Variants in MYBPC1 observed in about 807,000 individuals in gnomAD.
MYBPC1 encodes myosin binding protein C1.
A neutral mutation model predicts 147.1 loss-of-function variants in MYBPC1; 52 were observed. The ratio of observed to expected loss-of-function variants is 0.35; its 90% CI spans 0.28 to 0.45. The LOEUF is 0.45. Among genes scored for constraint, MYBPC1 ranks in the 20% least tolerant of loss-of-function variants. The pLI is 1.00. For synonymous variants in MYBPC1, 477 were observed against 475.9 expected, an observed-to-expected ratio of 1.00 and a Z score of -0.03; for missense variants, 1,228 against 1,440.3, an observed-to-expected ratio of 0.85 and a Z score of 2.39.
In MYBPC1 at chr12:101,666,611, G is replaced by A. The variant is rs964721465; in HGVS notation, c.2357-1121G>A. On this transcript the variant is annotated intron_variant, in intron 22 of 31. Coordinates refer to ENST00000361466, the MANE Select transcript of MYBPC1 (RefSeq NM_002465.4). Reference sequence around the variant, plus strand: ...CCCCTAACACCGTTTGGTCTCTTCCGTCACTGCTCTGAGGACAAATCTCTT... The same window carrying A: ...CCCCTAACACCGTTTGGTCTCTTCCATCACTGCTCTGAGGACAAATCTCTT... The A allele has an allele frequency of 7.6e-5, 69 of 907,372 alleles. 1 individual carries two copies. Among genetic ancestry groups the A allele is most frequent in the South Asian group, 3.6e-4 (27 of 75,800 alleles). 56.2% of individuals were successfully genotyped at this position (907,372 alleles called of 1,614,324 possible).
chr12:101,649,085 A>C (rs1433799101), intron 14 of MYBPC1, among the ~76,000 whole-genome samples, 175 bp from the exon 15 acceptor site: 1 of 152,236 alleles, frequency 6.6e-6, no homozygotes. Context: ...TTGTTACATT[A>C]TGAATCTACT....
chr12:101,681,808 C>T (rs1410340341), intron 29 of MYBPC1, among the ~76,000 whole-genome samples: 5 of 150,646 alleles, frequency 3.3e-5, no homozygotes, highest in African/African-American at 9.7e-5. Context: ...GGGTTTTTGC[C>T]GTGTTGGCCA....
chr12:101,662,206 G>T, intron 20 of MYBPC1, 152 bp from the exon 21 acceptor site: 2 of 646,498 alleles, frequency 3.1e-6, no homozygotes. Context: ...TATTCTCTTG[G>T]AATAAGATAG....
intron 2 of MYBPC1, 96 bp downstream of exon 2, chr12:101,614,627 C>A: frequency 7.9e-7 from 1 of 1,270,964 alleles, no homozygotes. Flanking sequence ...GAGCTGTGAG[C>A]TTTAACCTAA....
At chr12:101,624,532 C>T (rs190526839) in intron 3 of MYBPC1, among the ~76,000 whole-genome samples, 11 of 152,092 alleles carry the variant, frequency 7.2e-5, no homozygotes, top group South Asian at 2.1e-4. Flanking sequence ...GTGTCATCCA[C>T]GCTAGAGTAC....
chr12:101,647,955 A>G, intron 13 of MYBPC1, 90 bp from the exon 14 acceptor site: 1 of 1,022,228 alleles, frequency 9.8e-7, no homozygotes, highest in Non-Finnish European at 1.5e-6. Flanking sequence ...TTGCTTTCTC[A>G]CTGTTGGTTT....
downstream of MYBPC1, among the ~76,000 whole-genome samples, chr12:101,690,539 C>T (rs1221816096): frequency 6.6e-6 from 1 of 152,142 alleles, no homozygotes; most frequent in Non-Finnish European, 1.5e-5. Flanking sequence ...TCTAATGCTT[C>T]TCAAACAATA....
At chr12:101,676,848 C>T (rs1900107950) in intron 26 of MYBPC1, among the ~76,000 whole-genome samples, 1 of 152,036 alleles carries the variant, frequency 6.6e-6, no homozygotes, top group Non-Finnish European at 1.5e-5. Context: ...AATAAGTTGG[C>T]ACTAAAATTC....
intron 1 of MYBPC1, among the ~76,000 whole-genome samples, chr12:101,596,571 T>C (rs1877341321): frequency 6.6e-6 from 1 of 152,198 alleles, no homozygotes; most frequent in Non-Finnish European, 1.5e-5. Flanking sequence ...TAAAGCCTAA[T>C]TGAAAATGAG....
intron 24 of MYBPC1, 23 bp from the exon 25 acceptor site, chr12:101,673,404 A>G: frequency 6.2e-7 from 1 of 1,607,586 alleles, no homozygotes; most frequent in Non-Finnish European, 8.5e-7. Flanking sequence ...TACCCTCTCT[A>G]CTTTTGCTGT....
chr12:101,690,806 G>T (rs867957864), downstream of MYBPC1, among the ~76,000 whole-genome samples: 27 of 152,296 alleles, frequency 1.8e-4, no homozygotes, highest in Non-Finnish European at 2.8e-4. Context: ...AAAGGTTTTA[G>T]TCAATCTATT....
intron 3 of MYBPC1, among the ~76,000 whole-genome samples, chr12:101,626,435 G>A (rs1888635926): frequency 6.6e-6 from 1 of 152,294 alleles, no homozygotes; most frequent in South Asian, 2.1e-4. Context: ...GGGTAGAAAT[G>A]AGTTCTCAGA....
At chr12:101,654,917 A>G (rs984210667) in intron 18 of MYBPC1, among the ~76,000 whole-genome samples, 1 of 152,230 alleles carries the variant, frequency 6.6e-6, no homozygotes, top group African/African-American at 2.4e-5. Flanking sequence ...GATTCAATCA[A>G]TTTCCAAATA....
intron 18 of MYBPC1, among the ~76,000 whole-genome samples, chr12:101,657,296 A>G (rs1431052171): frequency 6.6e-6 from 1 of 152,214 alleles, no homozygotes; most frequent in Non-Finnish European, 1.5e-5. Flanking sequence ...TACGTGTTAG[A>G]AAACAAGAGA....
chr12:101,627,049 G>T, intron 4 of MYBPC1, 139 bp downstream of exon 4: 1 of 753,568 alleles, frequency 1.3e-6, no homozygotes, highest in Non-Finnish European at 2.2e-6. Flanking sequence ...CTGGCACCAA[G>T]AAGGAAATGT....
chr12:101,636,463 C>T lies in MYBPC1; in HGVS notation c.609-209C>T, dbSNP rs116892180. Among the ~76,000 whole-genome samples, 702 of 152,264 alleles carry T rather than the reference C, an allele frequency of 4.6e-3. 2 individuals carry two copies. Among genetic ancestry groups the T allele is most frequent in the Non-Finnish European group, 7.4e-3 (503 of 68,006 alleles). ...AAAAATGTGTCTTCTGAAATCATAG[C>T]GTAACACAAGCTCCTCATATGTTTA... On this transcript the variant is annotated intron_variant, in intron 9 of 31. Coordinates refer to ENST00000361466, the MANE Select transcript of MYBPC1 (RefSeq NM_002465.4).
intron 1 of MYBPC1, among the ~76,000 whole-genome samples, chr12:101,596,990 C>T (rs550189783): frequency 9.2e-5 from 14 of 152,300 alleles, no homozygotes; most frequent in African/African-American, 3.4e-4. Flanking sequence ...TGAGGAAGTA[C>T]AGAGATTTTT....
At chr12:101,652,623 C>T in intron 16 of MYBPC1, 55 bp from the exon 17 acceptor site, 1 of 1,268,572 alleles carries the variant, frequency 7.9e-7, no homozygotes, top group Non-Finnish European at 1.2e-6. Context: ...CAGCTTGGGT[C>T]ATATATAAAC....
intron 16 of MYBPC1, 150 bp from the exon 17 acceptor site, chr12:101,652,528 C>CTA (rs1450626881): frequency 3.7e-6 from 2 of 546,080 alleles, no homozygotes; most frequent in Non-Finnish European, 3.1e-6. Flanking sequence ...TTCTCATCCT[C>CTA]TCTCTCTCTC....
Sources: allele counts gnomAD v4.1 joint callset (sites outside exome capture counted in the v4.1 genomes callset), GRCh38; gene constraint gnomAD v4.1.1; transcripts MANE v1.5; gene names NCBI Gene and HGNC (gene_info 2026-07-23, HGNC 2026-07-21).